NEDD9: variants seen among roughly 807,000 people sequenced by gnomAD.
NEDD9 encodes the protein neural precursor cell expressed, developmentally down-regulated 9.
A neutral mutation model predicts 76.6 loss-of-function variants in NEDD9; 26 were observed. The observed-to-expected ratio is 0.34, with a 90% CI of 0.25 to 0.47. The LOEUF (loss-of-function observed/expected upper bound fraction) is 0.47, where lower values mean the gene tolerates loss of function less well. NEDD9 is among the 20% of genes least tolerant of loss of function. The pLI is 1.00. For synonymous variants in NEDD9, 392 were observed against 414.2 expected (o/e 0.95, Z 0.65); for missense variants, 937 against 1,058.5 (o/e 0.89, Z 1.59).
intron 2 of NEDD9, among the ~76,000 whole-genome samples, chr6:11,323,474 G>T (rs917834169): frequency 6.6e-6 from 1 of 152,212 alleles, no homozygotes; most frequent in African/African-American, 2.4e-5. Context: ...TCTCACCAAG[G>T]GTGATGATTT....
chr6:11,312,430 T>A (rs1043047297), intron 2 of NEDD9, among the ~76,000 whole-genome samples: 5 of 152,074 alleles, frequency 3.3e-5, no homozygotes, highest in African/African-American at 1.2e-4. Flanking sequence ...ACCTCTCCAT[T>A]CCTCTCTGTC....
intron 1 of NEDD9, among the ~76,000 whole-genome samples, chr6:11,217,845 T>C (rs766175002): frequency 1.1e-4 from 16 of 152,350 alleles, no homozygotes; most frequent in South Asian, 6.2e-4. Flanking sequence ...GGAACCCTGA[T>C]TGCAGCAGCC....
At chr6:11,331,627 A>T (rs1217281977) in intron 2 of NEDD9, among the ~76,000 whole-genome samples, 1 of 152,208 alleles carries the variant, frequency 6.6e-6, no homozygotes, top group East Asian at 1.9e-4. Flanking sequence ...TCATGAGATT[A>T]GCATAGGAGG....
intron 1 of NEDD9, among the ~76,000 whole-genome samples, chr6:11,365,000 G>C (rs1762737145): frequency 6.6e-6 from 1 of 152,100 alleles, no homozygotes; most frequent in South Asian, 2.1e-4. Flanking sequence ...AGTGTAGCAG[G>C]CTGGGCATTC....
At chr6:11,238,578 T>C (rs1488515105) in intron 3 of NEDD9, among the ~76,000 whole-genome samples, 1 of 152,236 alleles carries the variant, frequency 6.6e-6, no homozygotes, top group Non-Finnish European at 1.5e-5. Context: ...TATGTAGTTC[T>C]TCTTTCATCA....
At chr6:11,231,496 T>C (rs1320616804) in intron 1 of NEDD9, among the ~76,000 whole-genome samples, 1 of 152,184 alleles carries the variant, frequency 6.6e-6, no homozygotes, top group Non-Finnish European at 1.5e-5. Flanking sequence ...TAGTGTACAG[T>C]TAATATAAAT....
At chr6:11,261,178 A>G (rs547471044) in intron 3 of NEDD9, among the ~76,000 whole-genome samples, 2 of 152,280 alleles carry the variant, frequency 1.3e-5, no homozygotes, top group Admixed American at 6.5e-5. Context: ...AATAACGATA[A>G]TGATGAAAAT....
intron 3 of NEDD9, among the ~76,000 whole-genome samples, chr6:11,281,926 A>G (rs1261622222): frequency 6.6e-6 from 1 of 151,670 alleles, no homozygotes; most frequent in Non-Finnish European, 1.5e-5. Flanking sequence ...TTTTGTATAG[A>G]TAGGGTTTTG....
intron 2 of NEDD9, among the ~76,000 whole-genome samples, chr6:11,308,983 T>C (rs1371442981): frequency 1.3e-5 from 2 of 152,258 alleles, no homozygotes; most frequent in African/African-American, 4.8e-5. Context: ...TACTTATGTG[T>C]CCTCAATTAC....
At chr6:11,230,858 CATAAAGAGTA>C (rs2113263655) in intron 1 of NEDD9, among the ~76,000 whole-genome samples, 1 of 152,302 alleles carries the variant, frequency 6.6e-6, no homozygotes, top group South Asian at 2.1e-4. Context: ...ATTTTCTTTC[CATAAAGAGTA>C]AAGCTAACCA....
At chr6:11,253,873 G>C (rs1759954995) in intron 3 of NEDD9, among the ~76,000 whole-genome samples, 7 of 152,130 alleles carry the variant, frequency 4.6e-5, no homozygotes, top group Admixed American at 2.0e-4. Flanking sequence ...CAGTGAGAAG[G>C]AGTTGCACAC....
intron 2 of NEDD9, among the ~76,000 whole-genome samples, chr6:11,211,569 C>G (rs1758789519): frequency 6.6e-6 from 1 of 152,160 alleles, no homozygotes; most frequent in Non-Finnish European, 1.5e-5. Flanking sequence ...CACCTTTCAA[C>G]TGTTATTTTT....
intron 3 of NEDD9, among the ~76,000 whole-genome samples, chr6:11,294,643 A>T (rs140836729): frequency 6.6e-6 from 1 of 152,220 alleles, no homozygotes; most frequent in Non-Finnish European, 1.5e-5. Flanking sequence ...CTTTATAGCA[A>T]TGTAAGAACG....
upstream of NEDD9, among the ~76,000 whole-genome samples, chr6:11,234,216 G>T (rs1319187409): frequency 6.6e-6 from 1 of 152,112 alleles, no homozygotes; most frequent in Non-Finnish European, 1.5e-5. Context: ...AATTAAGCAC[G>T]CAGCATATTG....
chr6:11,369,685 CT>C (rs1196310213), intron 1 of NEDD9, among the ~76,000 whole-genome samples: 1 of 152,216 alleles, frequency 6.6e-6, no homozygotes, highest in Non-Finnish European at 1.5e-5. Flanking sequence ...TTTTGCTAGA[CT>C]TTTATTCTAC....
rs946404735 is a variant in NEDD9 at position 11,183,890 on chromosome 6, C to G, written c.*1272G>C. 6.6e-6 allele frequency: 1 copy of G among 152,188 alleles called. No individual in the cohort carries two copies. The highest frequency in any genetic ancestry group is 2.1e-4 in the South Asian group (1 of 4,834). The allele number at this position is 152,188 out of a possible 1,614,324, so 9.4% of individuals were successfully genotyped here. On this transcript the variant is annotated 3_prime_UTR_variant, in exon 7 of 7. Coordinates refer to ENST00000379446, the MANE Select transcript of NEDD9 (RefSeq NM_006403.4). Reference sequence around the variant, plus strand: ...TTACCCATGGGGTAGAAGTATTTCACCTGCCCCATGAAGAACCTGATGGCT... The same window carrying G: ...TTACCCATGGGGTAGAAGTATTTCAGCTGCCCCATGAAGAACCTGATGGCT...
intron 2 of NEDD9, among the ~76,000 whole-genome samples, chr6:11,316,725 G>C (rs568105195): frequency 6.6e-6 from 1 of 152,324 alleles, no homozygotes; most frequent in South Asian, 2.1e-4. Context: ...TTATAAGGAA[G>C]GTTCGGATTA....
intron 1 of NEDD9, among the ~76,000 whole-genome samples, chr6:11,349,271 A>G (rs1278506119): frequency 6.6e-6 from 1 of 152,222 alleles, no homozygotes; most frequent in Non-Finnish European, 1.5e-5. Flanking sequence ...AAAAAATAAC[A>G]GATGCTTGCA....
At chr6:11,299,721 G>C (rs1266226693) in intron 3 of NEDD9, among the ~76,000 whole-genome samples, 3 of 152,120 alleles carry the variant, frequency 2.0e-5, no homozygotes, top group East Asian at 1.9e-4. Context: ...AGGCAAACAG[G>C]GTCTGGATTA....
Sources: gnomAD v4.1 joint callset for allele counts (sites outside exome capture counted in the v4.1 genomes callset) on GRCh38, gnomAD v4.1.1 for gene constraint, MANE v1.5 for transcripts, NCBI Gene and HGNC (gene_info 2026-07-23, HGNC 2026-07-21) for gene names.